Variants in EXOC4 observed in about 807,000 individuals in gnomAD.
EXOC4 encodes exocyst complex component 4.
EXOC4 carries 71 observed loss-of-function variants against 107.2 expected under a neutral mutation model. That is an observed-to-expected ratio of 0.66 (90% CI 0.55 to 0.81). The LOEUF (loss-of-function observed/expected upper bound fraction) is 0.81, where lower values mean the gene tolerates loss of function less well. EXOC4 is among the 30% of genes least tolerant of loss of function. The pLI, the probability that EXOC4 is intolerant of heterozygous loss-of-function variation, is 0.00. For missense variants in EXOC4, 1,108 were observed against 1,189.6 expected, an observed-to-expected ratio of 0.93 and a Z score of 1.01; for synonymous variants, 456 against 441.2, an observed-to-expected ratio of 1.03 and a Z score of -0.42.
At chr7:133,362,500 T>C (rs1796157806) in intron 6 of EXOC4, among the ~76,000 whole-genome samples, 2 of 152,362 alleles carry the variant, frequency 1.3e-5, no homozygotes, top group Admixed American at 1.3e-4. Flanking sequence ...CTTTTTTTCC[T>C]CCTGGTTTCT....
intron 7 of EXOC4, among the ~76,000 whole-genome samples, chr7:133,403,550 G>A (rs1014840896): frequency 2.6e-5 from 4 of 152,192 alleles, no homozygotes; most frequent in Non-Finnish European, 5.9e-5. Context: ...CTGTCTGTTT[G>A]CTTAACTCAG....
chr7:133,570,329 GTA>G (rs1800995735), intron 9 of EXOC4, among the ~76,000 whole-genome samples: 1 of 152,164 alleles, frequency 6.6e-6, no homozygotes, highest in Non-Finnish European at 1.5e-5. Context: ...TTATTTTATA[GTA>G]GGAGAGTGAA....
chr7:133,974,683 GC>G (rs1356792935), intron 14 of EXOC4, among the ~76,000 whole-genome samples: 3 of 152,164 alleles, frequency 2.0e-5, no homozygotes, highest in South Asian at 2.1e-4. Context: ...GGGTTAACAG[GC>G]AGAATTATAA....
At chr7:133,668,696 T>C (rs1793870696) in intron 10 of EXOC4, among the ~76,000 whole-genome samples, 1 of 152,234 alleles carries the variant, frequency 6.6e-6, no homozygotes. Context: ...CATGTGATGT[T>C]AGGACATGGT....
chr7:133,717,619 G>T (rs1795024819), intron 10 of EXOC4, among the ~76,000 whole-genome samples: 1 of 152,180 alleles, frequency 6.6e-6, no homozygotes, highest in Admixed American at 6.5e-5. Flanking sequence ...TATTAGATGT[G>T]CATATGTAAA....
At chr7:133,406,281 T>C (rs1797217831) in intron 7 of EXOC4, among the ~76,000 whole-genome samples, 1 of 152,160 alleles carries the variant, frequency 6.6e-6, no homozygotes, top group Admixed American at 6.5e-5. Context: ...CTGCACTACA[T>C]CCATGGGCGA....
At chr7:133,787,335 T>TG (rs1796593827) in intron 10 of EXOC4, among the ~76,000 whole-genome samples, 4 of 113,824 alleles carry the variant, frequency 3.5e-5, no homozygotes, top group Non-Finnish European at 1.8e-5. Flanking sequence ...ATAGGCTAAT[T>TG]TGTGTGTGTG....
intron 1 of EXOC4, 130 bp from the exon 2 acceptor site, chr7:133,274,852 T>G (rs1018142902): frequency 2.8e-6 from 2 of 719,910 alleles, no homozygotes; most frequent in South Asian, 5.6e-5. Flanking sequence ...TGTTTGTAAC[T>G]TATTTCATTT....
At chr7:133,823,870 T>A (rs1159164885) in intron 11 of EXOC4, among the ~76,000 whole-genome samples, 43 of 12,266 alleles carry the variant, frequency 3.5e-3, no homozygotes, top group African/African-American at 0.025. Context: ...TATATATATA[T>A]ATTATATATA....
At chr7:133,507,489 C>T (rs541953711) in intron 9 of EXOC4, among the ~76,000 whole-genome samples, 5 of 152,198 alleles carry the variant, frequency 3.3e-5, no homozygotes, top group Non-Finnish European at 4.4e-5. Context: ...AAGGTTGTAC[C>T]GTTGCAGAAT....
chr7:133,726,822 C>T (rs1365252377), intron 10 of EXOC4, among the ~76,000 whole-genome samples: 1 of 152,158 alleles, frequency 6.6e-6, no homozygotes, highest in Non-Finnish European at 1.5e-5. Flanking sequence ...TTTTGTTTTG[C>T]ACATGATATT....
At chr7:133,977,634 G>C (rs1396028810) in intron 14 of EXOC4, among the ~76,000 whole-genome samples, 9 of 152,072 alleles carry the variant, frequency 5.9e-5, no homozygotes, top group Non-Finnish European at 1.3e-4. Flanking sequence ...AGTGGTTTGC[G>C]AGCAGCTGGT....
chr7:133,674,781 C>T (rs1235696344), intron 10 of EXOC4, among the ~76,000 whole-genome samples: 4 of 152,106 alleles, frequency 2.6e-5, no homozygotes, highest in Non-Finnish European at 5.9e-5. Context: ...TAATAGGTCC[C>T]TTGGGCCTAT....
intron 10 of EXOC4, among the ~76,000 whole-genome samples, chr7:133,663,217 CT>C (rs527547156): frequency 5.5e-4 from 84 of 152,228 alleles, no homozygotes; most frequent in Middle Eastern, 3.4e-3. Context: ...AGGATACGCG[CT>C]CTTCTAATTT....
chr7:133,792,166 G>T (rs1021816264), intron 10 of EXOC4, among the ~76,000 whole-genome samples: 6 of 152,092 alleles, frequency 3.9e-5, no homozygotes, highest in African/African-American at 1.4e-4. Flanking sequence ...CCACCATTCT[G>T]TTTGGCCCTC....
chr7:133,517,244 A>G (rs1405575793), intron 9 of EXOC4, among the ~76,000 whole-genome samples: 7 of 152,128 alleles, frequency 4.6e-5, no homozygotes, highest in African/African-American at 9.7e-5. Flanking sequence ...CAGTTCCACA[A>G]TGAGTCTGGA....
chr7:133,745,008 C>G (rs955202132), intron 10 of EXOC4, among the ~76,000 whole-genome samples: 2 of 152,142 alleles, frequency 1.3e-5, no homozygotes, highest in Non-Finnish European at 2.9e-5. Context: ...TGCATAATCA[C>G]TTCTGGATCA....
chr7:133,309,661 C>T (rs570865471), intron 4 of EXOC4, among the ~76,000 whole-genome samples: 7 of 152,062 alleles, frequency 4.6e-5, no homozygotes, highest in Admixed American at 1.3e-4. Context: ...AAAGGTCAGC[C>T]GGGCGTGGAG....
At chr7:133,368,681 T>C (rs770691419) in intron 6 of EXOC4, among the ~76,000 whole-genome samples, 1 of 151,358 alleles carries the variant, frequency 6.6e-6, no homozygotes, top group Non-Finnish European at 1.5e-5. Flanking sequence ...TTCTAACTGG[T>C]ATTTATACCA....
Sources: allele counts gnomAD v4.1 joint callset (sites outside exome capture counted in the v4.1 genomes callset), GRCh38; gene constraint gnomAD v4.1.1; transcripts MANE v1.5; gene names NCBI Gene and HGNC (gene_info 2026-07-23, HGNC 2026-07-21).